RBFOX1: variants seen among roughly 807,000 people sequenced by gnomAD.
RBFOX1 encodes RNA binding protein fox-1 homolog 1.
A neutral mutation model predicts 57.7 loss-of-function variants in RBFOX1; 8 were observed. The observed-to-expected ratio is 0.14, with a 90% CI of 0.08 to 0.25. RBFOX1 has a LOEUF of 0.25. Among genes scored for constraint, RBFOX1 ranks in the 10% least tolerant of loss-of-function variants. The probability of loss-of-function intolerance (pLI) is 1.00; values close to 1 mark genes in which losing one functional copy is unlikely to be tolerated. For synonymous variants in RBFOX1, 326 were observed against 222.4 expected (o/e 1.47, Z -4.15); for missense variants, 611 against 548.5 (o/e 1.11, Z -1.14).
chr16:5,284,563 A>C (rs1036846503), intron 1 of RBFOX1, among the ~76,000 whole-genome samples: 1 of 142,246 alleles, frequency 7.0e-6, no homozygotes, highest in Non-Finnish European at 1.5e-5. Context: ...TTTTTAGGCA[A>C]TGGAGTCTCA....
At chr16:5,782,582 T>G (rs1265926201) in intron 3 of RBFOX1, among the ~76,000 whole-genome samples, 1 of 152,136 alleles carries the variant, frequency 6.6e-6, no homozygotes, top group Admixed American at 6.5e-5. Context: ...ATGGGGGATT[T>G]TATATTGATT....
chr16:6,503,646 G>A (rs1319607930), intron 2 of RBFOX1, among the ~76,000 whole-genome samples: 3 of 152,128 alleles, frequency 2.0e-5, no homozygotes, highest in African/African-American at 7.2e-5. Flanking sequence ...TTGAGTCTCA[G>A]GGACCCCAGT....
intron 2 of RBFOX1, among the ~76,000 whole-genome samples, chr16:5,555,448 G>A (rs1041880282): frequency 6.6e-5 from 10 of 151,576 alleles, no homozygotes; most frequent in Admixed American, 1.3e-4. Context: ...ACGCGGTTTC[G>A]CCATCTTGAC....
At chr16:6,612,662 G>A (rs1025957010) in intron 2 of RBFOX1, among the ~76,000 whole-genome samples, 1 of 151,802 alleles carries the variant, frequency 6.6e-6, no homozygotes, top group East Asian at 1.9e-4. Flanking sequence ...GATCAGCCTG[G>A]CCAACATGAC....
At chr16:7,542,469 G>A (rs1344520814) in intron 5 of RBFOX1, among the ~76,000 whole-genome samples, 4 of 151,898 alleles carry the variant, frequency 2.6e-5, no homozygotes, top group Admixed American at 1.3e-4. Context: ...GGGGAAAGAG[G>A]CAAAATAAAT....
intron 2 of RBFOX1, among the ~76,000 whole-genome samples, chr16:6,501,215 G>A (rs1460923225): frequency 1.4e-5 from 2 of 140,742 alleles, no homozygotes; most frequent in Non-Finnish European, 3.0e-5. Context: ...ATGTATACAT[G>A]TGCCATGTTG....
intron 4 of RBFOX1, among the ~76,000 whole-genome samples, chr16:7,297,201 A>C (rs1484356543): frequency 1.3e-5 from 2 of 152,222 alleles, no homozygotes; most frequent in Non-Finnish European, 2.9e-5. Flanking sequence ...GGAACAAAAA[A>C]GGACAAACTT....
intron 3 of RBFOX1, among the ~76,000 whole-genome samples, chr16:6,861,761 G>C (rs2059038847): frequency 6.9e-6 from 1 of 144,536 alleles, no homozygotes; most frequent in Admixed American, 7.0e-5. Context: ...TTGATAATAA[G>C]TATTTGGCCA....
intron 3 of RBFOX1, among the ~76,000 whole-genome samples, chr16:5,850,090 C>G (rs1487763750): frequency 6.6e-6 from 1 of 152,172 alleles, no homozygotes; most frequent in Non-Finnish European, 1.5e-5. Flanking sequence ...ACTCTGAACC[C>G]AGGCTGGGAG....
intron 2 of RBFOX1, among the ~76,000 whole-genome samples, chr16:6,335,981 C>T (rs994431548): frequency 6.7e-6 from 1 of 149,718 alleles, no homozygotes; most frequent in Non-Finnish European, 1.5e-5. Context: ...GAGAATGAAG[C>T]CCATTCATAG....
intron 14 of RBFOX1, among the ~76,000 whole-genome samples, chr16:7,706,247 T>TTC (rs1418782378): frequency 6.6e-6 from 1 of 152,220 alleles, no homozygotes; most frequent in Non-Finnish European, 1.5e-5. Context: ...ATGATCTCTT[T>TTC]TCCTCTGGGG....
At chr16:7,066,921 A>G (rs2056190969) in intron 4 of RBFOX1, among the ~76,000 whole-genome samples, 1 of 152,126 alleles carries the variant, frequency 6.6e-6, no homozygotes, top group African/African-American at 2.4e-5. Context: ...AAAACAGATT[A>G]CTCATGTGGT....
At chr16:6,154,261 A>T (rs2152730690) in intron 1 of RBFOX1, among the ~76,000 whole-genome samples, 1 of 152,342 alleles carries the variant, frequency 6.6e-6, no homozygotes, top group East Asian at 1.9e-4. Context: ...AAAAGTAATT[A>T]CGGTTTTTGC....
chr16:7,051,934 A>G (rs891647325), intron 3 of RBFOX1, 123 bp from the exon 4 acceptor site: 3 of 1,403,248 alleles, frequency 2.1e-6, no homozygotes, highest in Middle Eastern at 2.0e-4. Context: ...AAAATTAAAT[A>G]CATAATTAAT....
chr16:5,770,345 A>G lies in RBFOX1; in HGVS notation c.319-96958A>G, dbSNP rs1028712088. On this transcript the variant is annotated intron_variant, in intron 3 of 19. Transcript: ENST00000641259. ...TCTTTGTATGCATTAATGCATTAGCATAAGCCGTTCCCATCAGTGACATAA... is the reference window on the plus strand; with the variant it reads ...TCTTTGTATGCATTAATGCATTAGCGTAAGCCGTTCCCATCAGTGACATAA... Among the ~76,000 whole-genome samples the G allele has an allele frequency of 5.3e-5, 8 of 152,172 alleles. No individual in the cohort carries two copies. The South Asian group carries it at 6.2e-4, about 12-fold the overall frequency.
chr16:7,278,412 C>T (rs2095481155), intron 4 of RBFOX1, among the ~76,000 whole-genome samples: 1 of 152,132 alleles, frequency 6.6e-6, no homozygotes, highest in African/African-American at 2.4e-5. Context: ...ATGTGCAAGC[C>T]AGAGGGTGTT....
intron 14 of RBFOX1, among the ~76,000 whole-genome samples, chr16:7,698,991 C>G (rs571127900): frequency 1.3e-5 from 2 of 152,158 alleles, no homozygotes; most frequent in Admixed American, 6.5e-5. Context: ...TGGTGGTTAT[C>G]AAATTCTAGA....
chr16:5,526,668 A>T (rs1201415966), intron 2 of RBFOX1, among the ~76,000 whole-genome samples: 1 of 152,190 alleles, frequency 6.6e-6, no homozygotes, highest in Non-Finnish European at 1.5e-5. Context: ...CTGGCATCCC[A>T]GCCCAGGTCT....
At chr16:6,396,505 A>G (rs1014397) in intron 2 of RBFOX1, among the ~76,000 whole-genome samples, 110,374 of 152,158 alleles carry the variant, frequency 0.73, 40,998 homozygotes, top group African/African-American at 0.89. Flanking sequence ...TCTGAAGCAT[A>G]TTTATATAAA....
Sources: gnomAD v4.1 joint callset for allele counts (sites outside exome capture counted in the v4.1 genomes callset) on GRCh38, gnomAD v4.1.1 for gene constraint, MANE v1.5 for transcripts, NCBI Gene and HGNC (gene_info 2026-07-23, HGNC 2026-07-21) for gene names.